Variants in FARP1 observed in about 807,000 individuals in gnomAD.
The protein encoded by FARP1 is FERM, ARHGEF and pleckstrin domain-containing protein 1.
A neutral mutation model predicts 128.8 loss-of-function variants in FARP1; 52 were observed. The observed-to-expected ratio is 0.40, with a 90% CI of 0.32 to 0.51. The LOEUF (loss-of-function observed/expected upper bound fraction) is 0.51. Among genes scored for constraint, FARP1 ranks in the 20% least tolerant of loss-of-function variants. The pLI is 0.45. For missense variants in FARP1, 1,333 were observed against 1,367.9 expected (o/e 0.97, Z 0.40); for synonymous variants, 580 against 551.8 (o/e 1.05, Z -0.72).
chr13:98,190,794 C>T (rs1181018325), intron 1 of FARP1, among the ~76,000 whole-genome samples: 2 of 151,530 alleles, frequency 1.3e-5, no homozygotes, highest in East Asian at 1.9e-4. Context: ...TGATTCTCCC[C>T]GCTTGGCCTC....
intron 2 of FARP1, among the ~76,000 whole-genome samples, chr13:98,254,122 G>A (rs1477695247): frequency 6.6e-6 from 1 of 152,190 alleles, no homozygotes; most frequent in Admixed American, 6.5e-5. Context: ...GTGATAATCT[G>A]AGCGGGCAGT....
intron 3 of FARP1, among the ~76,000 whole-genome samples, chr13:98,350,650 CCTCT>C (rs1208118041): frequency 6.6e-6 from 1 of 152,148 alleles, no homozygotes. Context: ...CCAGTTCCTC[CCTCT>C]CTCCTCGTGA....
chr13:98,389,869 A>T (rs1224633600), intron 9 of FARP1, 88 bp from the exon 10 acceptor site: 21 of 1,324,522 alleles, frequency 1.6e-5, no homozygotes, highest in Admixed American at 2.0e-5. Flanking sequence ...ACTTTATCGG[A>T]CAAAGCTATC....
intron 21 of FARP1, among the ~76,000 whole-genome samples, chr13:98,439,611 C>A (rs567231662): frequency 6.6e-6 from 1 of 152,320 alleles, no homozygotes; most frequent in East Asian, 1.9e-4. Context: ...GCCACCTCGT[C>A]CTCCCCCGAG....
At chr13:98,214,879 C>T (rs757404904) in intron 2 of FARP1, among the ~76,000 whole-genome samples, 7 of 152,152 alleles carry the variant, frequency 4.6e-5, no homozygotes, top group Non-Finnish European at 7.3e-5. Flanking sequence ...TCCGTATGTG[C>T]GCCACCTCAC....
Position 98,435,609 on chromosome 13 carries a change from A to G in FARP1, c.2177A>G (p.Gln726Arg), listed in dbSNP as rs1273821946. 1 of 1,613,900 alleles carries G rather than the reference A, an allele frequency of 6.2e-7. No individual in the cohort carries two copies. The highest frequency in any genetic ancestry group is 1.7e-5 in the Admixed American group (1 of 60,016). Reference protein sequence around the residue: ...ALAEITEMVAQLHGTMIKMEN... With the variant: ...ALAEITEMVARLHGTMIKMEN... Reference sequence around the variant, plus strand: ...GCAGAGATCACGGAGATGGTGGCACAGCTCCACGGTACGATGATCAAGATG... The same window carrying G: ...GCAGAGATCACGGAGATGGTGGCACGGCTCCACGGTACGATGATCAAGATG... Residue 726 changes from glutamine (Q) to arginine (R), a missense_variant, in exon 19 of 27, where the codon CAG (glutamine) becomes CGG (arginine). Coordinates refer to ENST00000319562, the MANE Select transcript of FARP1 (RefSeq NM_005766.4).
At chr13:98,364,387 G>C (rs1441366570) in intron 3 of FARP1, among the ~76,000 whole-genome samples, 4 of 152,062 alleles carry the variant, frequency 2.6e-5, no homozygotes, top group African/African-American at 2.4e-5. Flanking sequence ...AAATTTAATG[G>C]GTGGAAATGG....
At chr13:98,224,455 A>T (rs1252093132) in intron 2 of FARP1, among the ~76,000 whole-genome samples, 1 of 138,834 alleles carries the variant, frequency 7.2e-6, no homozygotes, top group Non-Finnish European at 1.5e-5. Flanking sequence ...TGAACCCCAG[A>T]GGCGGAGCTT....
intron 2 of FARP1, among the ~76,000 whole-genome samples, chr13:98,282,758 C>T (rs1425084888): frequency 6.6e-6 from 1 of 152,010 alleles, no homozygotes; most frequent in Non-Finnish European, 1.5e-5. Flanking sequence ...CAAAAATTAG[C>T]TGGTGTGCGG....
At chr13:98,358,071 GTT>G (rs1261668721) in intron 3 of FARP1, among the ~76,000 whole-genome samples, 8 of 137,148 alleles carry the variant, frequency 5.8e-5, no homozygotes, top group Non-Finnish European at 1.1e-4. Flanking sequence ...ATACATTTCT[GTT>G]TTTTTTTTTT....
chr13:98,146,448 G>A (rs1875567093), intron 1 of FARP1, among the ~76,000 whole-genome samples: 1 of 152,176 alleles, frequency 6.6e-6, no homozygotes, highest in Non-Finnish European at 1.5e-5. Context: ...GGCTGGTCTT[G>A]AACTCCTGAC....
chr13:98,246,942 T>G (rs559370687), intron 2 of FARP1, among the ~76,000 whole-genome samples: 1 of 152,338 alleles, frequency 6.6e-6, no homozygotes, highest in East Asian at 1.9e-4. Flanking sequence ...CAGCTGTTCC[T>G]TGGCGGGGCA....
At chr13:98,398,042 C>T (rs1890622163) in intron 13 of FARP1, 1 of 152,064 alleles carries the variant, frequency 6.6e-6, no homozygotes, top group African/African-American at 2.4e-5. Context: ...ATCACGCGAC[C>T]CGATCACAAG....
At chr13:98,348,835 G>A (rs1327325931) in intron 3 of FARP1, among the ~76,000 whole-genome samples, 1 of 152,178 alleles carries the variant, frequency 6.6e-6, no homozygotes, top group Admixed American at 6.5e-5. Flanking sequence ...TTTGGCCCAT[G>A]TGCCGTAGTT....
At chr13:98,223,864 A>G (rs1881580404) in intron 2 of FARP1, among the ~76,000 whole-genome samples, 1 of 152,244 alleles carries the variant, frequency 6.6e-6, no homozygotes, top group South Asian at 2.1e-4. Context: ...CTGGAAAAGC[A>G]TTTAGATCCA....
intron 2 of FARP1, among the ~76,000 whole-genome samples, chr13:98,303,150 T>C (rs1023406782): frequency 2.0e-5 from 3 of 152,216 alleles, no homozygotes; most frequent in African/African-American, 7.2e-5. Context: ...TGACGTGTTG[T>C]TTGAAGCCAT....
At chr13:98,195,346 T>A (rs2139248034) in intron 1 of FARP1, among the ~76,000 whole-genome samples, 1 of 152,344 alleles carries the variant, frequency 6.6e-6, no homozygotes, top group African/African-American at 2.4e-5. Flanking sequence ...AACTGAGCAT[T>A]TGCTTTGGGG....
chr13:98,184,244 A>G (rs1307805281), intron 1 of FARP1, among the ~76,000 whole-genome samples: 1 of 151,796 alleles, frequency 6.6e-6, no homozygotes, highest in Admixed American at 6.6e-5. Flanking sequence ...CAGCCTCCCA[A>G]GAAGCTGGGA....
At chr13:98,145,566 T>C (rs1208592082) in intron 1 of FARP1, among the ~76,000 whole-genome samples, 1 of 126,770 alleles carries the variant, frequency 7.9e-6, no homozygotes, top group Admixed American at 8.4e-5. Context: ...GTTTCACTTT[T>C]CGTTAAAGAA....
Sources: gnomAD v4.1 joint callset for allele counts (sites outside exome capture counted in the v4.1 genomes callset) on GRCh38, gnomAD v4.1.1 for gene constraint, MANE v1.5 for transcripts, NCBI Gene and HGNC (gene_info 2026-07-23, HGNC 2026-07-21) for gene names.